TBC1D19: variants seen among roughly 807,000 people sequenced by gnomAD.
TBC1D19 encodes the protein TBC1 domain family, member 19.
In TBC1D19, 60 loss-of-function variants were observed where a neutral mutation model predicts 89.0. That is an observed-to-expected ratio of 0.67 (90% CI 0.55 to 0.84). TBC1D19 has a LOEUF of 0.84. Among genes scored for constraint, TBC1D19 ranks in the 40% least tolerant of loss-of-function variants. The pLI is 0.00. For synonymous variants in TBC1D19, 189 were observed against 199.7 expected, an observed-to-expected ratio of 0.95 and a Z score of 0.45; for missense variants, 500 against 610.8, an observed-to-expected ratio of 0.82 and a Z score of 1.91.
At position 26,652,459 on chromosome 4, in the gene TBC1D19, C is replaced by T. The variant is rs376482773; in HGVS notation, c.481-7138C>T. ...CTCACTGTATTTCCCAGGCAGGTCTCGAACTCCTGGGCTCAAGCTATCCTC... is the reference window on the plus strand; with the variant it reads ...CTCACTGTATTTCCCAGGCAGGTCTTGAACTCCTGGGCTCAAGCTATCCTC... On this transcript the variant is annotated intron_variant, in intron 7 of 20. Coordinates refer to ENST00000264866, the MANE Select transcript of TBC1D19 (RefSeq NM_018317.4). 7.2e-5 allele frequency among the ~76,000 whole-genome samples: 11 copies of T among 152,200 alleles called. 1 individual carries two copies. Among genetic ancestry groups the T allele is most frequent in the South Asian group, 2.1e-4 (1 of 4,826 alleles).
chr4:26,667,816 AG>A (rs1711946857), intron 9 of TBC1D19, among the ~76,000 whole-genome samples: 1 of 152,048 alleles, frequency 6.6e-6, no homozygotes, highest in African/African-American at 2.4e-5. Context: ...AGTTTTCAAA[AG>A]TGTTAGTACC....
rs368794879 is a variant in TBC1D19 at position 26,649,347 on chromosome 4, T to A, written c.480+9160T>A. Among the ~76,000 whole-genome samples, 44 of 152,266 alleles carry A rather than the reference T, an allele frequency of 2.9e-4. 1 individual carries two copies. In the East Asian group the frequency reaches 7.5e-3, roughly 26 times the overall value. ...CTTTTTTTTCCCAATACCCCCAGCA[T>A]TTTTGACAGCTTTATTGAGCTAGAA... On this transcript the variant is annotated intron_variant, in intron 7 of 20. Transcript: ENST00000264866.
intron 18 of TBC1D19, among the ~76,000 whole-genome samples, chr4:26,745,083 C>T (rs1281014275): frequency 6.6e-6 from 1 of 151,940 alleles, no homozygotes; most frequent in Non-Finnish European, 1.5e-5. Flanking sequence ...TATATAATGT[C>T]CTGTTTTATT....
At chr4:26,816,450 G>C in the TBC1D19 span, among the ~76,000 whole-genome samples, 1 of 152,170 alleles carries the variant, frequency 6.6e-6, no homozygotes, top group East Asian at 1.9e-4. Flanking sequence ...ATGAAAAACA[G>C]GATATTTGCA....
intron 4 of TBC1D19, among the ~76,000 whole-genome samples, chr4:26,624,677 C>CT (rs1742279602): frequency 6.6e-6 from 1 of 152,128 alleles, no homozygotes; most frequent in African/African-American, 2.4e-5. Flanking sequence ...AGTTAGCCAT[C>CT]TATTTTCCCA....
At chr4:26,805,504 C>T in the TBC1D19 span, among the ~76,000 whole-genome samples, 3 of 152,266 alleles carry the variant, frequency 2.0e-5, no homozygotes, top group East Asian at 5.8e-4. Flanking sequence ...CTTGCCCCAC[C>T]CCATCCTTCC....
At chr4:26,734,898 G>GTA (rs1717874322) in intron 15 of TBC1D19, among the ~76,000 whole-genome samples, 1 of 125,366 alleles carries the variant, frequency 8.0e-6, no homozygotes, top group African/African-American at 2.7e-5. Flanking sequence ...GTATGTGTGT[G>GTA]TATATATACA....
At chr4:26,586,170 G>GTTTTTTTTTTTTT (rs1560396710) in intron 1 of TBC1D19, among the ~76,000 whole-genome samples, 1 of 135,150 alleles carries the variant, frequency 7.4e-6, no homozygotes, top group Non-Finnish European at 1.5e-5. Context: ...TGCAAGGTAA[G>GTTTTTTTTTTTTT]CTTTTTTTTT....
At chr4:26,649,230 G>C (rs941378045) in intron 7 of TBC1D19, among the ~76,000 whole-genome samples, 1 of 151,770 alleles carries the variant, frequency 6.6e-6, no homozygotes, top group Non-Finnish European at 1.5e-5. Flanking sequence ...TGGTATTATA[G>C]CATATATTTT....
downstream of TBC1D19, among the ~76,000 whole-genome samples, chr4:26,757,604 G>A (rs1164446753): frequency 2.0e-5 from 3 of 152,162 alleles, no homozygotes; most frequent in Non-Finnish European, 4.4e-5. Flanking sequence ...CTCTGGTAAG[G>A]CAGTGTTCTG....
intron 17 of TBC1D19, among the ~76,000 whole-genome samples, chr4:26,741,127 C>T (rs1030095543): frequency 3.3e-5 from 5 of 151,930 alleles, no homozygotes; most frequent in East Asian, 1.9e-4. Context: ...GAGGCCGAGG[C>T]GGGTGGATCA....
At chr4:26,582,086 GT>G (rs1432592217), upstream of TBC1D19, among the ~76,000 whole-genome samples, 1 of 151,538 alleles carries the variant, frequency 6.6e-6, no homozygotes, top group Non-Finnish European at 1.5e-5. Flanking sequence ...GTCTCCATCT[GT>G]GCAAGGAATA....
At chr4:26,653,386 G>T (rs1262903088) in intron 7 of TBC1D19, among the ~76,000 whole-genome samples, 2 of 152,112 alleles carry the variant, frequency 1.3e-5, no homozygotes, top group East Asian at 3.8e-4. Flanking sequence ...TATTAGGTCC[G>T]CTTGGTGCAG....
chr4:26,798,306 C>T, the TBC1D19 span, among the ~76,000 whole-genome samples: 7 of 152,094 alleles, frequency 4.6e-5, no homozygotes, highest in African/African-American at 1.7e-4. Flanking sequence ...TGAAAAAATG[C>T]TCATCACTAA....
chr4:26,584,007 T>C, upstream of TBC1D19: 1 of 597,378 alleles, frequency 1.7e-6, no homozygotes. Flanking sequence ...TGCTGTGGCC[T>C]TCAGGCGCTG....
the TBC1D19 span, among the ~76,000 whole-genome samples, chr4:26,828,744 T>C: frequency 6.6e-6 from 1 of 152,224 alleles, no homozygotes; most frequent in East Asian, 1.9e-4. Context: ...GTACCTACCT[T>C]CTAAGACTGT....
intron 13 of TBC1D19, 41 bp downstream of exon 13, chr4:26,688,448 G>A (rs369409106): frequency 2.7e-6 from 4 of 1,484,124 alleles, no homozygotes; most frequent in South Asian, 1.2e-5. Context: ...CTTGTTTTAG[G>A]TTCTCTATAT....
chr4:26,711,655 A>G (rs1016450777), intron 13 of TBC1D19, among the ~76,000 whole-genome samples: 1 of 152,022 alleles, frequency 6.6e-6, no homozygotes, highest in African/African-American at 2.4e-5. Context: ...AAATGAAGTA[A>G]ATTACTATCA....
intron 4 of TBC1D19, among the ~76,000 whole-genome samples, chr4:26,625,999 AT>A (rs1742371010): frequency 6.6e-6 from 1 of 152,122 alleles, no homozygotes; most frequent in Non-Finnish European, 1.5e-5. Flanking sequence ...GGAGTTGAGA[AT>A]TATGTTCCAC....
Sources: gnomAD v4.1 joint callset for allele counts (sites outside exome capture counted in the v4.1 genomes callset) on GRCh38, gnomAD v4.1.1 for gene constraint, MANE v1.5 for transcripts, NCBI Gene and HGNC (gene_info 2026-07-23, HGNC 2026-07-21) for gene names.